AKAP19: variants seen among roughly 807,000 people sequenced by gnomAD.
AKAP19 encodes A-kinase anchoring protein 19.
At chr2:190,036,808 A>G in the AKAP19 span, among the ~76,000 whole-genome samples, 1 of 152,200 alleles carries the variant, frequency 6.6e-6, no homozygotes, top group Non-Finnish European at 1.5e-5. Flanking sequence ...CCTTAAGCAT[A>G]ACAGATTAAG....
At chr2:190,025,880 C>T in the AKAP19 span, among the ~76,000 whole-genome samples, 1 of 152,122 alleles carries the variant, frequency 6.6e-6, no homozygotes, top group African/African-American at 2.4e-5. Flanking sequence ...CCTTTTAAAT[C>T]TCTTTCACTT....
chr2:189,887,223 G>A, the AKAP19 span, among the ~76,000 whole-genome samples: 3 of 152,166 alleles, frequency 2.0e-5, no homozygotes, highest in African/African-American at 7.2e-5. Context: ...TCCCACTTAT[G>A]AGTGAGAACA....
chr2:190,128,743 A>C, the AKAP19 span, among the ~76,000 whole-genome samples: 2 of 152,256 alleles, frequency 1.3e-5, no homozygotes, highest in South Asian at 4.1e-4. Flanking sequence ...CGTATTATAC[A>C]AAACAAAACA....
At chr2:189,923,384 C>T in the AKAP19 span, 11 of 1,612,604 alleles carry the variant, frequency 6.8e-6, no homozygotes, top group Non-Finnish European at 9.3e-6. Context: ...CATGAACTCC[C>T]GTGTATTCAT....
the AKAP19 span, among the ~76,000 whole-genome samples, chr2:189,990,393 GT>G: frequency 0.011 from 1,734 of 152,144 alleles, 32 homozygotes; most frequent in African/African-American, 0.04. Context: ...TGGTTGTGTG[GT>G]TTTTGTCGTT....
At chr2:189,946,088 G>A in the AKAP19 span, among the ~76,000 whole-genome samples, 1 of 152,120 alleles carries the variant, frequency 6.6e-6, no homozygotes, top group Non-Finnish European at 1.5e-5. Context: ...AACTATCATG[G>A]AGAAATTACT....
At chr2:190,176,522 G>C in the AKAP19 span, among the ~76,000 whole-genome samples, 1 of 152,134 alleles carries the variant, frequency 6.6e-6, no homozygotes, top group Non-Finnish European at 1.5e-5. The surrounding 1 kb of genome is among the most constrained non-coding windows in gnomAD (Gnocchi z 4.7). Flanking sequence ...TAATTTTTTT[G>C]TATTTTTAGT....
the AKAP19 span, among the ~76,000 whole-genome samples, chr2:190,131,614 G>A: frequency 6.6e-6 from 1 of 152,174 alleles, no homozygotes; most frequent in Non-Finnish European, 1.5e-5. Flanking sequence ...AGAATTCAAG[G>A]TGGGGGTCAT....
the AKAP19 span, among the ~76,000 whole-genome samples, chr2:189,923,078 G>T: frequency 6.6e-6 from 1 of 152,194 alleles, no homozygotes; most frequent in Non-Finnish European, 1.5e-5. Flanking sequence ...TAGAACATGG[G>T]AGGCGGAGGT....
chr2:190,054,933 A>T, the AKAP19 span, among the ~76,000 whole-genome samples: 1 of 152,200 alleles, frequency 6.6e-6, no homozygotes, highest in Non-Finnish European at 1.5e-5. Context: ...TTCCTCAGGG[A>T]TCTAGAACTA....
At chr2:189,955,511 T>A in the AKAP19 span, among the ~76,000 whole-genome samples, 1 of 152,182 alleles carries the variant, frequency 6.6e-6, no homozygotes, top group East Asian at 1.9e-4. Context: ...AAATGGTAGC[T>A]GTATTTTTAG....
the AKAP19 span, among the ~76,000 whole-genome samples, chr2:189,989,867 T>A: frequency 2.0e-5 from 3 of 148,694 alleles, no homozygotes; most frequent in Non-Finnish European, 4.4e-5. Context: ...AAATTAAAGA[T>A]CTAAATTAGA....
chr2:190,055,349 G>A, the AKAP19 span, among the ~76,000 whole-genome samples: 1 of 122,074 alleles, frequency 8.2e-6, no homozygotes, highest in Admixed American at 9.1e-5. Flanking sequence ...GGAGGGGGGA[G>A]GGATAGCATT....
the AKAP19 span, among the ~76,000 whole-genome samples, chr2:189,974,879 C>A: frequency 6.6e-6 from 1 of 152,172 alleles, no homozygotes; most frequent in Non-Finnish European, 1.5e-5. Context: ...TGTATCTCTG[C>A]ACGTGAGATG....
the AKAP19 span, among the ~76,000 whole-genome samples, chr2:190,146,510 G>C: frequency 5.3e-5 from 8 of 152,206 alleles, no homozygotes; most frequent in Admixed American, 5.2e-4. Flanking sequence ...CCTCTGGGTA[G>C]ATACCCAGTA....
At chr2:189,975,953 T>G in the AKAP19 span, among the ~76,000 whole-genome samples, 1,771 of 152,288 alleles carry the variant, frequency 0.012, 17 homozygotes, top group Middle Eastern at 0.044. Context: ...TCAGAGAAGT[T>G]TGATCGTCTG....
At chr2:189,966,183 G>C in the AKAP19 span, among the ~76,000 whole-genome samples, 3 of 150,442 alleles carry the variant, frequency 2.0e-5, no homozygotes, top group African/African-American at 7.3e-5. Context: ...TTGGGTACCT[G>C]GGGGGGAAAG....
chr2:189,980,623 C>T, the AKAP19 span, among the ~76,000 whole-genome samples: 1 of 152,196 alleles, frequency 6.6e-6, no homozygotes, highest in South Asian at 2.1e-4. Flanking sequence ...GCATGAGCCA[C>T]CATGCCCAGC....
At chr2:190,075,233 G>A in the AKAP19 span, among the ~76,000 whole-genome samples, 8 of 152,014 alleles carry the variant, frequency 5.3e-5, no homozygotes, top group Non-Finnish European at 1.2e-4. Context: ...TCTAACTTCT[G>A]TTGTAATCAG....
Sources: allele counts gnomAD v4.1 joint callset (sites outside exome capture counted in the v4.1 genomes callset), GRCh38; gene constraint gnomAD v4.1.1; non-coding constraint Gnocchi (gnomAD v3.1); transcripts MANE v1.5; gene names NCBI Gene and HGNC (gene_info 2026-07-23, HGNC 2026-07-21).